Variants in ZC3H6 observed in about 807,000 individuals in gnomAD.
ZC3H6 encodes the protein zinc finger CCCH-type containing 6, also known as zinc finger CCCH domain-containing protein 6.
Under a neutral mutation model 107.7 loss-of-function variants are expected in ZC3H6, and 40 were observed. The ratio of observed to expected loss-of-function variants is 0.37; its 90% CI spans 0.29 to 0.48. The LOEUF (loss-of-function observed/expected upper bound fraction) is 0.48, where lower values mean the gene tolerates loss of function less well. Ranked by LOEUF, ZC3H6 falls within the 20% of genes least tolerant of loss-of-function variation. ZC3H6 has a pLI of 0.98. For synonymous variants in ZC3H6, 493 were observed against 487.9 expected (o/e 1.01, Z -0.14); for missense variants, 1,267 against 1,410.4 (o/e 0.90, Z 1.63).
rs1187551894 is a variant in ZC3H6, at chr2:112,325,059, A to G, written c.1948A>G (p.Thr650Ala). 6.2e-7 allele frequency: 1 copy of G among 1,613,838 alleles called. No individual in the cohort carries two copies. Among genetic ancestry groups the G allele is most frequent in the South Asian group, 1.1e-5 (1 of 91,062 alleles). The change falls in exon 11 of 12, where the codon ACA (threonine) becomes GCA (alanine). Residue 650 changes from threonine (T) to alanine (A), a missense_variant. By Grantham distance (58) the Thr-to-Ala change is moderately conservative. Around this residue, in one of 3 missense-constraint regions of ZC3H6, gnomAD observed 925 missense variants for 1,025.7 expected, o/e 0.90. Coordinates refer to ENST00000409871, the MANE Select transcript of ZC3H6 (RefSeq NM_198581.3). ...TGGGTCTGATGGCAGCAGCACTAGG[A>G]CAGGCCATGGCCCTCTGCCTGTACC... is the stretch of plus-strand genomic sequence containing the variant. The part of the protein sequence containing the change: ...GSGSDGSSTR[T>A]GHGPLPVPGL...
At chr2:112,284,892 T>C (rs555028711) in intron 1 of ZC3H6, among the ~76,000 whole-genome samples, 14 of 152,222 alleles carry the variant, frequency 9.2e-5, no homozygotes, top group South Asian at 2.1e-4. Flanking sequence ...TCATAGAAGA[T>C]TCATGGATTT....
intron 5 of ZC3H6, among the ~76,000 whole-genome samples, chr2:112,313,330 T>C (rs1676627179): frequency 2.0e-5 from 3 of 152,176 alleles, no homozygotes; most frequent in Non-Finnish European, 2.9e-5. Flanking sequence ...TAGACACCAG[T>C]AGACCTTTAG....
intron 8 of ZC3H6, among the ~76,000 whole-genome samples, 171 bp from the exon 9 acceptor site, chr2:112,322,478 C>T (rs574705997): frequency 1.3e-5 from 2 of 152,078 alleles, no homozygotes; most frequent in Non-Finnish European, 2.9e-5. Flanking sequence ...TGGGCTCAAG[C>T]GATCCAGCTG....
chr2:112,331,600 A>G lies in ZC3H6; in HGVS notation c.2682A>G (p.Pro894=), dbSNP rs201512805. 1.2e-6 allele frequency: 2 copies of G among 1,613,960 alleles called. No homozygotes were observed. Among genetic ancestry groups the G allele is most frequent in the South Asian group, 2.2e-5 (2 of 91,078 alleles). The change falls in exon 12 of 12, where the codon CCA becomes CCG. Residue 894 remains proline, a synonymous_variant. Transcript: ENST00000409871. ...CAGTACCTTTACCTAAACCTGATCC[A>G]GTGTCTTCAATCAATTTACCTCTGC... ...LLPVPLPKPD[P]VSSINLPLPP...
intron 6 of ZC3H6, 38 bp from the exon 7 acceptor site, chr2:112,317,183 C>CTTTTTTT: frequency 8.7e-7 from 1 of 1,151,240 alleles, no homozygotes; most frequent in South Asian, 1.8e-5. Context: ...TGTTTCTTAC[C>CTTTTTTT]TTTTTTTCTT....
chr2:112,337,247 C>G lies in ZC3H6; in HGVS notation c.*4759C>G, dbSNP rs1677149194. 1 of 151,814 alleles carries G rather than the reference C, an allele frequency of 6.6e-6. No individual in the cohort carries two copies. The highest frequency in any genetic ancestry group is 1.5e-5 in the Non-Finnish European group (1 of 68,008). 9.4% of individuals were successfully genotyped at this position (151,814 alleles called of 1,614,324 possible). ...GTTTGGATTGATCAATAATTTATTC[C>G]TATAAAGGTCTGCAGGATTTTTTCT... On this transcript the variant is annotated 3_prime_UTR_variant, in exon 12 of 12. Transcript: ENST00000409871.
chr2:112,311,373 G>A (rs1676587574), intron 4 of ZC3H6, among the ~76,000 whole-genome samples: 1 of 152,046 alleles, frequency 6.6e-6, no homozygotes, highest in African/African-American at 2.4e-5. Flanking sequence ...AACAAAAGAA[G>A]TATAATTTTT....
chr2:112,316,911 C>G (rs1211502766), intron 6 of ZC3H6, among the ~76,000 whole-genome samples: 1 of 152,188 alleles, frequency 6.6e-6, no homozygotes, highest in Non-Finnish European at 1.5e-5. Flanking sequence ...CCATTTTATT[C>G]ATGGCACCAA....
intron 1 of ZC3H6, among the ~76,000 whole-genome samples, chr2:112,276,370 C>G (rs1259226036): frequency 1.3e-5 from 2 of 151,712 alleles, no homozygotes; most frequent in African/African-American, 4.8e-5. Context: ...GTCCAGGTGT[C>G]GGTGCTCCCG....
chr2:112,311,907 T>C lies in ZC3H6; in HGVS notation c.717T>C (p.Asn239=). The change falls in exon 5 of 12, where the codon AAT becomes AAC. Residue 239 remains asparagine (N), a synonymous_variant. Coordinates refer to ENST00000409871, the MANE Select transcript of ZC3H6 (RefSeq NM_198581.3). ...GGGGAAGAACCAATAAAGGGCCTAA[T>C]GTGTTTTCAGTATCGGATGACTTTC... is the stretch of plus-strand genomic sequence containing the variant. ...ERGGRTNKGP[N]VFSVSDDFQE... 1 of 1,613,216 alleles carries C rather than the reference T, an allele frequency of 6.2e-7. No individual in the cohort carries two copies. Among genetic ancestry groups the C allele is most frequent in the East Asian group, 2.2e-5 (1 of 44,836 alleles).
In ZC3H6 at chr2:112,275,890, G is replaced by C. The variant is rs1385360543; in HGVS notation, c.-105G>C. On this transcript the variant is annotated 5_prime_UTR_variant, in exon 1 of 12. Coordinates refer to ENST00000409871, the MANE Select transcript of ZC3H6 (RefSeq NM_198581.3). ...TACCACTTCGTCACCTGTCGGCGGC[G>C]GCCGGGAGCAGGTTCCCGCAGGCGG... 4.3e-6 allele frequency: 4 copies of C among 933,522 alleles called. No individual in the cohort carries two copies. In the African/African-American group the frequency reaches 7.1e-5, roughly 16 times the overall value. 57.8% of individuals were successfully genotyped at this position (933,522 alleles called of 1,614,324 possible).
At chr2:112,314,028 T>C (rs1676643555) in intron 5 of ZC3H6, among the ~76,000 whole-genome samples, 1 of 152,200 alleles carries the variant, frequency 6.6e-6, no homozygotes, top group Non-Finnish European at 1.5e-5. Flanking sequence ...ATTATTTTCC[T>C]GGTAGATCCT....
intron 3 of ZC3H6, among the ~76,000 whole-genome samples, chr2:112,306,509 G>A (rs1676481076): frequency 6.6e-6 from 1 of 151,876 alleles, no homozygotes; most frequent in Admixed American, 6.6e-5. Context: ...ATTTTTTGCT[G>A]GTTCTCTTTC....
chr2:112,310,478 C>T (rs953103243), intron 4 of ZC3H6, among the ~76,000 whole-genome samples: 7 of 152,122 alleles, frequency 4.6e-5, no homozygotes, highest in African/African-American at 1.7e-4. Context: ...GTATGTATTG[C>T]TTTAAATTTA....
chr2:112,297,177 A>G (rs958290582), intron 1 of ZC3H6, among the ~76,000 whole-genome samples: 6 of 152,226 alleles, frequency 3.9e-5, no homozygotes, highest in Admixed American at 2.0e-4. Context: ...GAATCCTCGT[A>G]TACACATCCC....
chr2:112,321,888 G>C (rs1444861366), intron 8 of ZC3H6, 23 bp downstream of exon 8: 1 of 1,111,274 alleles, frequency 9.0e-7, no homozygotes. Flanking sequence ...TTTGTACCTT[G>C]ATTATGTCTC....
In ZC3H6 at chr2:112,309,956, A is replaced by C. The variant is rs1345754346; in HGVS notation, c.408A>C (p.Glu136Asp). 1 of 1,610,084 alleles carries C rather than the reference A, an allele frequency of 6.2e-7. No homozygotes were observed. Among genetic ancestry groups the C allele is most frequent in the Non-Finnish European group, 8.5e-7 (1 of 1,177,872 alleles). The stretch of plus-strand genomic sequence containing the variant: ...ATAACAAAAAATTTAAAAGTAAAGA[A>C]TATGATGAGTACAGCACCTACAGTG... ...GQHNKKFKSK[E>D]YDEYSTYSDD... Residue 136 changes from glutamate to aspartate, a missense_variant, in exon 4 of 12, where the codon GAA becomes GAC. By Grantham distance (45) the Glu-to-Asp change is conservative. Coordinates refer to ENST00000409871, the MANE Select transcript of ZC3H6 (RefSeq NM_198581.3).
Position 112,332,192 on chromosome 2 carries a change from G to A in ZC3H6, c.3274G>A (p.Glu1092Lys). Residue 1092 changes from glutamate to lysine, a missense_variant, in exon 12 of 12, where the codon GAA (glutamate) becomes AAA (lysine). Around this residue, in one of 3 missense-constraint regions of ZC3H6, gnomAD observed 925 missense variants for 1,025.7 expected, o/e 0.90. Coordinates refer to ENST00000409871, the MANE Select transcript of ZC3H6 (RefSeq NM_198581.3). ...SSDKTEPSPG[E>K]AILPQKPSPN... ...TGACAAAACTGAACCTTCTCCTGGA[G>A]AAGCCATCCTTCCACAAAAACCCAG... 6.2e-7 allele frequency: 1 copy of A among 1,613,970 alleles called. No homozygotes were observed. The highest frequency in any genetic ancestry group is 8.5e-7 in the Non-Finnish European group (1 of 1,179,872).
chr2:112,287,520 G>A (rs1686629029), intron 1 of ZC3H6, among the ~76,000 whole-genome samples: 1 of 152,108 alleles, frequency 6.6e-6, no homozygotes, highest in South Asian at 2.1e-4. Context: ...TTAATGTTCA[G>A]CACTACTTCC....
Sources: gnomAD v4.1 joint callset for allele counts (sites outside exome capture counted in the v4.1 genomes callset) on GRCh38, gnomAD v4.1.1 for gene constraint, gnomAD v4.1.1 regional missense constraint, MANE v1.5 for transcripts, NCBI Gene and HGNC (gene_info 2026-07-23, HGNC 2026-07-21) for gene names.